ZBTB20: variants seen among roughly 807,000 people sequenced by gnomAD.
ZBTB20 encodes the protein zinc finger and BTB domain-containing protein 20.
A neutral mutation model predicts 56.9 loss-of-function variants in ZBTB20; 9 were observed. That is an observed-to-expected ratio of 0.16 (90% CI 0.10 to 0.28). The LOEUF is 0.28. Among genes scored for constraint, ZBTB20 ranks in the 10% least tolerant of loss-of-function variants. ZBTB20 has a pLI of 1.00. For synonymous variants in ZBTB20, 417 were observed against 420.7 expected, an observed-to-expected ratio of 0.99 and a Z score of 0.11; for missense variants, 655 against 1,003.0, an observed-to-expected ratio of 0.65 and a Z score of 4.69.
chr3:114,760,964 T>G (rs2068391723), intron 5 of ZBTB20, among the ~76,000 whole-genome samples: 1 of 152,142 alleles, frequency 6.6e-6, no homozygotes, highest in Non-Finnish European at 1.5e-5. Context: ...GGACTAAGAG[T>G]GCAAATGTTA....
At chr3:114,573,707 G>A (rs186241431) in intron 6 of ZBTB20, among the ~76,000 whole-genome samples, 13 of 152,078 alleles carry the variant, frequency 8.5e-5, no homozygotes, top group African/African-American at 2.9e-4. Flanking sequence ...AATATGATAT[G>A]ATTCAGTTTG....
intron 6 of ZBTB20, among the ~76,000 whole-genome samples, chr3:114,550,860 C>T (rs972357809): frequency 8.5e-5 from 13 of 152,144 alleles, no homozygotes; most frequent in African/African-American, 3.1e-4. Context: ...AAGCGATTCT[C>T]GTGCCTCAGC....
intron 6 of ZBTB20, among the ~76,000 whole-genome samples, chr3:114,603,817 A>G (rs1328486392): frequency 6.6e-6 from 1 of 152,000 alleles, no homozygotes; most frequent in East Asian, 1.9e-4. Context: ...TTATAATTTT[A>G]AAAATGCAAA....
intron 4 of ZBTB20, among the ~76,000 whole-genome samples, chr3:114,818,759 C>A (rs894879366): frequency 6.6e-6 from 1 of 151,398 alleles, no homozygotes; most frequent in Admixed American, 6.6e-5. Context: ...AGAGATAATA[C>A]CACATAATAA....
At chr3:114,891,621 A>C (rs1158525459) in intron 4 of ZBTB20, among the ~76,000 whole-genome samples, 2 of 152,226 alleles carry the variant, frequency 1.3e-5, no homozygotes, top group African/African-American at 4.8e-5. Context: ...AAGTAAATAT[A>C]TTGTCTTTAC....
chr3:114,738,841 T>C lies in ZBTB20; in HGVS notation c.-342-45266A>G, dbSNP rs563456369. Among the ~76,000 whole-genome samples, 192 of 152,348 alleles carry C rather than the reference T, an allele frequency of 1.3e-3. 1 individual carries two copies. The highest frequency in any genetic ancestry group is 2.3e-3 in the Non-Finnish European group (159 of 68,034). ...ACGTTTCAAAGATACAGAATTTCCATTGAAAAAATCAAATGTTCTGTCTGT... is the reference window on the plus strand; with the variant it reads ...ACGTTTCAAAGATACAGAATTTCCACTGAAAAAATCAAATGTTCTGTCTGT... On this transcript the variant is annotated intron_variant, in intron 5 of 11. Coordinates refer to ENST00000675478, the MANE Select transcript of ZBTB20 (RefSeq NM_001348800.3).
intron 6 of ZBTB20, among the ~76,000 whole-genome samples, chr3:114,662,977 C>A (rs2060827270): frequency 6.6e-6 from 1 of 150,454 alleles, no homozygotes; most frequent in African/African-American, 2.4e-5. Context: ...GGATATTATC[C>A]AGGAGAACTT....
intron 1 of ZBTB20, among the ~76,000 whole-genome samples, chr3:115,100,873 T>G (rs2083560884): frequency 6.6e-6 from 1 of 152,182 alleles, no homozygotes; most frequent in African/African-American, 2.4e-5. Context: ...TAAAGGAGGC[T>G]CTGTAAGAAA....
intron 2 of ZBTB20, among the ~76,000 whole-genome samples, chr3:115,001,104 C>T (rs1192486720): frequency 7.3e-6 from 1 of 136,238 alleles, no homozygotes. Context: ...AAAAAAAAAA[C>T]AAATTTCTCA....
chr3:114,528,625 C>T (rs535358793), intron 6 of ZBTB20: 17 of 151,984 alleles, frequency 1.1e-4, no homozygotes, highest in Non-Finnish European at 2.4e-4. Context: ...TTATACTTTC[C>T]TCATAGAAAG....
At chr3:114,555,694 A>G (rs1388408242) in intron 6 of ZBTB20, among the ~76,000 whole-genome samples, 1 of 152,148 alleles carries the variant, frequency 6.6e-6, no homozygotes, top group East Asian at 1.9e-4. Flanking sequence ...GGCATGGGAT[A>G]ATGCTCCATA....
intron 2 of ZBTB20, among the ~76,000 whole-genome samples, chr3:115,060,043 C>A (rs530830846): frequency 6.6e-6 from 1 of 152,078 alleles, no homozygotes; most frequent in African/African-American, 2.4e-5. Context: ...CTATTTAAGA[C>A]GACAAGATCA....
intron 5 of ZBTB20, among the ~76,000 whole-genome samples, chr3:114,764,643 C>A (rs751026784): frequency 5.3e-5 from 8 of 152,304 alleles, no homozygotes; most frequent in African/African-American, 1.9e-4. Flanking sequence ...CAAAAGGGAA[C>A]TGTGATTTTC....
intron 3 of ZBTB20, among the ~76,000 whole-genome samples, chr3:114,956,445 A>C (rs2077249751): frequency 6.6e-6 from 1 of 152,202 alleles, no homozygotes; most frequent in Admixed American, 6.5e-5. Flanking sequence ...TAGGCCAATA[A>C]TAATCTTCAA....
Position 114,338,779 on chromosome 3 carries a change from G to T in ZBTB20, c.*226C>A. The T allele has an allele frequency of 2.3e-6, 1 of 439,996 alleles. No individual in the cohort carries two copies. Among genetic ancestry groups the T allele is most frequent in the Non-Finnish European group, 3.9e-6 (1 of 259,272 alleles). The allele number at this position is 439,996 out of a possible 1,614,324, so 27.3% of individuals were successfully genotyped here. ...CTACCAGGCCTTAAGGCCACCATCC[G>T]AGGGAGACTGGGAAAACTATTATTC... is the stretch of plus-strand genomic sequence containing the variant. On this transcript the variant is annotated 3_prime_UTR_variant, in exon 12 of 12. Coordinates refer to ENST00000675478, the MANE Select transcript of ZBTB20 (RefSeq NM_001348800.3).
chr3:114,652,025 A>G (rs1172867787), intron 6 of ZBTB20, among the ~76,000 whole-genome samples: 1 of 152,070 alleles, frequency 6.6e-6, no homozygotes, highest in African/African-American at 2.4e-5. Context: ...AATTTTTCAG[A>G]GTTGAGGTAT....
intron 4 of ZBTB20, among the ~76,000 whole-genome samples, chr3:114,815,017 T>G (rs550435727): frequency 6.6e-6 from 1 of 152,362 alleles, no homozygotes; most frequent in East Asian, 1.9e-4. Flanking sequence ...TAATATTAGC[T>G]GGCTCTCTAG....
intron 4 of ZBTB20, among the ~76,000 whole-genome samples, chr3:114,851,978 T>C (rs962647813): frequency 6.6e-6 from 1 of 152,138 alleles, no homozygotes; most frequent in African/African-American, 2.4e-5. Context: ...AGATACGAGT[T>C]GCCAATCAAA....
chr3:114,537,325 G>A (rs1025183090), intron 6 of ZBTB20, among the ~76,000 whole-genome samples: 2 of 152,120 alleles, frequency 1.3e-5, no homozygotes, highest in African/African-American at 4.8e-5. Flanking sequence ...AGTGGGTGAA[G>A]GATAAGAGCA....
Sources: gnomAD v4.1 joint callset for allele counts (sites outside exome capture counted in the v4.1 genomes callset) on GRCh38, gnomAD v4.1.1 for gene constraint, MANE v1.5 for transcripts, NCBI Gene and HGNC (gene_info 2026-07-23, HGNC 2026-07-21) for gene names.